Variants in SLC2A10 observed in about 807,000 individuals in gnomAD.
SLC2A10 encodes the protein solute carrier family 2, facilitated glucose transporter member 10.
In SLC2A10, 25 loss-of-function variants were observed where a neutral mutation model predicts 32.1. That is an observed-to-expected ratio of 0.78 (90% confidence interval 0.57 to 1.09). The LOEUF is 1.09. Among genes scored for constraint, SLC2A10 ranks in the 50% least tolerant of loss-of-function variants. SLC2A10 has a pLI of 0.00. For missense variants in SLC2A10, 673 were observed against 686.5 expected (o/e 0.98, Z 0.22); for synonymous variants, 332 against 309.6 (o/e 1.07, Z -0.76).
chr20:46,725,754 C>T lies in SLC2A10; in HGVS notation c.718C>T (p.Leu240Phe). Residue 240 changes from leucine to phenylalanine, a missense_variant, in exon 2 of 5, where the codon CTC becomes TTC. Coordinates refer to ENST00000359271, the MANE Select transcript of SLC2A10 (RefSeq NM_030777.4). ...GACCACAGTGGGCCTGGGGCTGGTG[C>T]TCTTCCAGCAACTAACAGGGCAGCC... Reference protein sequence around the residue: ...GRTTVGLGLVLFQQLTGQPNV... With the variant: ...GRTTVGLGLVFFQQLTGQPNV... 6.2e-7 allele frequency: 1 copy of T among 1,614,202 alleles called. No homozygotes were observed. Among genetic ancestry groups the T allele is most frequent in the Non-Finnish European group, 8.5e-7 (1 of 1,180,024 alleles).
chr20:46,711,045 G>A (rs1023848297), intron 1 of SLC2A10, among the ~76,000 whole-genome samples: 3 of 151,474 alleles, frequency 2.0e-5, no homozygotes, highest in Non-Finnish European at 2.9e-5. Context: ...GCTAATTTTT[G>A]TATTTTTAGT....
chr20:46,716,506 C>T (rs1318351863), intron 1 of SLC2A10, among the ~76,000 whole-genome samples: 1 of 152,122 alleles, frequency 6.6e-6, no homozygotes, highest in Non-Finnish European at 1.5e-5. Context: ...ACTCTCCATA[C>T]ATCTGGCTAT....
intron 4 of SLC2A10, among the ~76,000 whole-genome samples, chr20:46,732,007 C>T (rs1980326015): frequency 6.6e-6 from 1 of 152,152 alleles, no homozygotes; most frequent in South Asian, 2.1e-4. Context: ...AGCCACATGC[C>T]ACGTTCCCCA....
chr20:46,724,257 C>T (rs943430962), intron 1 of SLC2A10, among the ~76,000 whole-genome samples: 6 of 152,236 alleles, frequency 3.9e-5, no homozygotes, highest in African/African-American at 1.4e-4. Context: ...CTGGACAACA[C>T]ATCTGTATTC....
intron 4 of SLC2A10, among the ~76,000 whole-genome samples, chr20:46,729,788 G>A (rs368925936): frequency 1.3e-5 from 2 of 151,796 alleles, no homozygotes; most frequent in East Asian, 1.9e-4. Flanking sequence ...GACTACAGGC[G>A]CCCGCCACCA....
rs1302263376 is a variant in SLC2A10 at position 46,735,280 on chromosome 20, T to G, written c.*1446T>G. 4 of 152,644 alleles carry G rather than the reference T, an allele frequency of 2.6e-5. No individual in the cohort carries two copies. Among genetic ancestry groups the G allele is most frequent in the Non-Finnish European group, 5.9e-5 (4 of 68,034 alleles). The allele number at this position is 152,644 out of a possible 1,614,324, so 9.5% of individuals were successfully genotyped here. A position where few individuals can be genotyped will look rare whatever the true frequency, so the allele number is the denominator to read the frequency against. On this transcript the variant is annotated 3_prime_UTR_variant, in exon 5 of 5. Transcript: ENST00000359271. ...CCAAGGACTCTGGCCTCTCGAGTTC[T>G]CCTATCTTCTCCATTCTAGATGCTT...
At chr20:46,721,481 C>T (rs1397002352) in intron 1 of SLC2A10, among the ~76,000 whole-genome samples, 1 of 151,198 alleles carries the variant, frequency 6.6e-6, no homozygotes, top group Non-Finnish European at 1.5e-5. Flanking sequence ...CAGGTTTTTC[C>T]ATGAGTCTGG....
intron 1 of SLC2A10, among the ~76,000 whole-genome samples, chr20:46,717,217 G>T (rs554431357): frequency 5.3e-5 from 8 of 151,992 alleles, no homozygotes; most frequent in South Asian, 4.1e-4. Flanking sequence ...AGATCAGTGC[G>T]GGAAAAAATG....
intron 1 of SLC2A10, among the ~76,000 whole-genome samples, chr20:46,713,175 C>T (rs1476479241): frequency 6.6e-6 from 1 of 152,102 alleles, no homozygotes; most frequent in Non-Finnish European, 1.5e-5. Flanking sequence ...CTCAGGGAGA[C>T]AGCTGAGAAG....
intron 1 of SLC2A10, among the ~76,000 whole-genome samples, chr20:46,720,750 G>A (rs1979505051): frequency 2.6e-5 from 4 of 151,706 alleles, no homozygotes; most frequent in Admixed American, 2.6e-4. Flanking sequence ...TTTATATATT[G>A]GTATTTTTAA....
intron 1 of SLC2A10, among the ~76,000 whole-genome samples, chr20:46,712,656 T>TC (rs1978995030): frequency 7.1e-6 from 1 of 140,440 alleles, no homozygotes; most frequent in Non-Finnish European, 1.5e-5. Context: ...TCTTTCTTTT[T>TC]TTTTTTTTTT....
Position 46,726,789 on chromosome 20 carries a change from C to T in SLC2A10, c.1289-75C>T, listed in dbSNP as rs1979988094. 14 of 1,593,868 alleles carry T rather than the reference C, an allele frequency of 8.8e-6. No individual in the cohort carries two copies. The African/African-American group carries it at 9.4e-5, about 11-fold the overall frequency. On this transcript the variant is annotated intron_variant, in intron 2 of 4. Transcript: ENST00000359271. ...ACTAGAAAATCCCATTGTTGAGAGG[C>T]TGCATGTTTGACCTGATGGTGCCAG...
chr20:46,729,998 G>A (rs1261257050), intron 4 of SLC2A10, among the ~76,000 whole-genome samples: 1 of 152,092 alleles, frequency 6.6e-6, no homozygotes, highest in Non-Finnish European at 1.5e-5. Context: ...TCCCTACAGT[G>A]CCTTTTCATT....
At chr20:46,728,495 C>T (rs901457658) in intron 3 of SLC2A10, among the ~76,000 whole-genome samples, 3 of 151,998 alleles carry the variant, frequency 2.0e-5, no homozygotes, top group Non-Finnish European at 4.4e-5. Context: ...TGGGACTGAA[C>T]TGTGGCTTTT....
chr20:46,709,815 C>T (rs1003780754), intron 1 of SLC2A10, 75 bp downstream of exon 1: 308 of 1,520,128 alleles, frequency 2.0e-4, no homozygotes, highest in Non-Finnish European at 2.5e-4. Context: ...CCACGCTCCC[C>T]TAAGAGTGCG....
chr20:46,725,565 C>T lies in SLC2A10; in HGVS notation c.529C>T (p.Leu177=). The T allele has an allele frequency of 6.2e-7, 1 of 1,614,210 alleles. No homozygotes were observed. The highest frequency in any genetic ancestry group is 1.1e-5 in the South Asian group (1 of 91,088). The change falls in exon 2 of 5, where the codon CTG becomes TTG. Residue 177 remains leucine, a synonymous_variant. Transcript: ENST00000359271. ...MFGWATAPAV[L]QSLSLLFLPA... The stretch of plus-strand genomic sequence containing the variant: ...CGGCTGGGCCACTGCACCTGCTGTC[C>T]TGCAATCCCTCAGCCTCCTCTTCCT...
chr20:46,732,920 G>A (rs1359311865), intron 4 of SLC2A10, among the ~76,000 whole-genome samples: 2 of 152,152 alleles, frequency 1.3e-5, no homozygotes, highest in Non-Finnish European at 2.9e-5. Context: ...CCCGGAGGTG[G>A]AAACAAGTTA....
At position 46,725,330 on chromosome 20, in the gene SLC2A10, G is replaced by T; in HGVS notation, c.294G>T (p.Leu98=). 1 of 1,614,086 alleles carries T rather than the reference G, an allele frequency of 6.2e-7. No homozygotes were observed. Residue 98 remains leucine, a synonymous_variant, in exon 2 of 5, where the codon CTG becomes CTT. Transcript: ENST00000359271. The part of the protein sequence containing the change: ...GSLTLGLAGS[L]AWLVLGRAVV... The stretch of plus-strand genomic sequence containing the variant: ...TGACCCTGGGCCTGGCTGGTTCCCT[G>T]GCCTGGCTGGTCCTGGGCCGCGCTG...
chr20:46,728,127 G>T (rs528696530), intron 3 of SLC2A10, among the ~76,000 whole-genome samples: 1 of 152,178 alleles, frequency 6.6e-6, no homozygotes, highest in South Asian at 2.1e-4. Flanking sequence ...AGGAAGGAAG[G>T]AATTTATTAG....
Sources: gnomAD v4.1 joint callset for allele counts (sites outside exome capture counted in the v4.1 genomes callset) on GRCh38, gnomAD v4.1.1 for gene constraint, MANE v1.5 for transcripts, NCBI Gene and HGNC (gene_info 2026-07-23, HGNC 2026-07-21) for gene names.